The following EHMT1 variants were observed in gnomAD, a reference collection of about 807,000 sequenced individuals.
The protein encoded by EHMT1 is histone-lysine N-methyltransferase EHMT1.
Under a neutral mutation model 147.2 loss-of-function variants are expected in EHMT1, and 15 were observed. The observed-to-expected ratio is 0.10, with a 90% confidence interval of 0.07 to 0.16. EHMT1 has a LOEUF of 0.16. EHMT1 is among the 10% of genes least tolerant of loss of function. The pLI is 1.00. For synonymous variants in EHMT1, 795 were observed against 709.6 expected (o/e 1.12, Z -1.91); for missense variants, 1,587 against 1,772.4 (o/e 0.90, Z 1.88).
At chr9:137,668,420 CATTT>C (rs1186166190) in intron 1 of EHMT1, among the ~76,000 whole-genome samples, 5 of 152,020 alleles carry the variant, frequency 3.3e-5, no homozygotes, top group Non-Finnish European at 7.4e-5. Flanking sequence ...CCCACCCATC[CATTT>C]ATTTACCCAC....
chr9:137,668,574 A>G lies in EHMT1; in HGVS notation c.22-42393A>G, dbSNP rs907247263. 4.5e-4 allele frequency among the ~76,000 whole-genome samples: 69 copies of G among 152,270 alleles called. 2 individuals carry two copies. The highest frequency in any genetic ancestry group is 1.2e-3 in the East Asian group (6 of 5,184). The stretch of plus-strand genomic sequence containing the variant: ...ACCAGAAATCCAGAACATTTGTATC[A>G]TCCTGAAAAGAAACCTTATACCATT... On this transcript the variant is annotated intron_variant, in intron 1 of 26. Transcript: ENST00000460843.
At position 137,677,278 on chromosome 9, in the gene EHMT1, G is replaced by A. The variant is rs369376870; in HGVS notation, c.22-33689G>A. 1.2e-4 allele frequency among the ~76,000 whole-genome samples: 18 copies of A among 152,014 alleles called. No homozygotes were observed. In the East Asian group the frequency reaches 2.3e-3, roughly 20 times the overall value. ...TCTCCCAAGTAGCTGGGATTACAGC[G>A]TGTGGCACCATGTCTGGCTAACTTT... On this transcript the variant is annotated intron_variant, in intron 1 of 26. Transcript: ENST00000460843.
intron 18 of EHMT1, among the ~76,000 whole-genome samples, chr9:137,806,269 T>C (rs537591470): frequency 1.1e-4 from 16 of 152,086 alleles, no homozygotes; most frequent in South Asian, 6.2e-4. Flanking sequence ...CCGAGTGGTC[T>C]GTTTGAAAGA....
At chr9:137,669,692 T>C (rs1204038459) in intron 1 of EHMT1, among the ~76,000 whole-genome samples, 2 of 151,958 alleles carry the variant, frequency 1.3e-5, no homozygotes, top group Non-Finnish European at 2.9e-5. Context: ...CTTGTGTCCC[T>C]ATGTAAAAAA....
Position 137,835,014 on chromosome 9 carries a change from CG to C in EHMT1, c.*62del. ...GACCGCCGCGTCGCCGATTAGAGGA[CG>C]AGGAGGAGAGATTCCGCACGCAACC... On this transcript the variant is annotated 3_prime_UTR_variant, in exon 27 of 27. Coordinates refer to ENST00000460843, the MANE Select transcript of EHMT1 (RefSeq NM_024757.5). The C allele has an allele frequency of 1.5e-6, 2 of 1,354,418 alleles. No individual in the cohort carries two copies. The highest frequency in any genetic ancestry group is 1.9e-6 in the Non-Finnish European group (2 of 1,059,120). 83.9% of individuals were successfully genotyped at this position (1,354,418 alleles called of 1,614,324 possible). A position where few individuals can be genotyped will look rare whatever the true frequency, so the allele number is the denominator to read the frequency against.
intron 9 of EHMT1, among the ~76,000 whole-genome samples, chr9:137,758,988 G>A (rs1313520409): frequency 1.3e-5 from 2 of 151,860 alleles, no homozygotes; most frequent in Non-Finnish European, 2.9e-5. Flanking sequence ...TTAGCCGGGC[G>A]TAGTGGCGGG....
chr9:137,710,214 C>G (rs549883813), intron 1 of EHMT1, among the ~76,000 whole-genome samples: 1 of 152,014 alleles, frequency 6.6e-6, no homozygotes, highest in Non-Finnish European at 1.5e-5. Context: ...GCTCACACCT[C>G]TAATCCCAGC....
intron 1 of EHMT1, among the ~76,000 whole-genome samples, chr9:137,707,088 C>T (rs545596937): frequency 3.9e-5 from 6 of 152,252 alleles, no homozygotes; most frequent in Non-Finnish European, 7.3e-5. Flanking sequence ...GCCTCCCAAA[C>T]TGCTGAGATT....
chr9:137,720,515 C>T (rs1026045585), intron 3 of EHMT1, among the ~76,000 whole-genome samples: 1 of 152,114 alleles, frequency 6.6e-6, no homozygotes, highest in African/African-American at 2.4e-5. Flanking sequence ...GTTGGCCAGG[C>T]TGGTCTTGAA....
chr9:137,687,711 G>A (rs541928551), intron 1 of EHMT1, among the ~76,000 whole-genome samples: 37 of 152,328 alleles, frequency 2.4e-4, no homozygotes, highest in Middle Eastern at 3.4e-3. Flanking sequence ...CCATGAGCCC[G>A]GAAATGAGAG....
chr9:137,834,997 C>T lies in EHMT1; in HGVS notation c.*44C>T. On this transcript the variant is annotated 3_prime_UTR_variant, in exon 27 of 27. Coordinates refer to ENST00000460843, the MANE Select transcript of EHMT1 (RefSeq NM_024757.5). ...GGCGCTCGGGAGCCAGGGACCGCCG[C>T]GTCGCCGATTAGAGGACGAGGAGGA... The T allele has an allele frequency of 7.3e-7, 1 of 1,368,298 alleles. No homozygotes were observed. Among genetic ancestry groups the T allele is most frequent in the Non-Finnish European group, 9.4e-7 (1 of 1,068,370 alleles). The allele number at this position is 1,368,298 out of a possible 1,614,324, so 84.8% of individuals were successfully genotyped here. A position where few individuals can be genotyped will look rare whatever the true frequency, so the allele number is the denominator to read the frequency against.
In EHMT1 at chr9:137,668,537, T is replaced by C. The variant is rs1939965726; in HGVS notation, c.22-42430T>C. Reference sequence around the variant, plus strand: ...ACTAGTACTGAAACTTGAGTATATTTGTGGACAGAGCACCAGAAATCCAGA... The same window carrying C: ...ACTAGTACTGAAACTTGAGTATATTCGTGGACAGAGCACCAGAAATCCAGA... On this transcript the variant is annotated intron_variant, in intron 1 of 26. Transcript: ENST00000460843. Among the ~76,000 whole-genome samples, 4 of 152,236 alleles carry C rather than the reference T, an allele frequency of 2.6e-5. No homozygotes were observed. The South Asian group carries it at 6.2e-4, about 24-fold the overall frequency.
rs11539626 is a variant in EHMT1 at position 137,834,398 on chromosome 9, G to A, written c.3590G>A (p.Arg1197Gln). The A allele has an allele frequency of 1.2e-6, 2 of 1,613,284 alleles. No homozygotes were observed. Among genetic ancestry groups the A allele is most frequent in the Non-Finnish European group, 8.5e-7 (1 of 1,179,804 alleles). Residue 1197 changes from arginine to glutamine, a missense_variant, in exon 26 of 27, where the codon CGG becomes CAG. Physicochemically the swap from Arg to Gln is conservative, Grantham distance 43. Around this residue, in one of 7 missense-constraint regions of EHMT1, gnomAD observed 156 missense variants for 252.5 expected, o/e 0.62. Transcript: ENST00000460843. ...IDARFYGNVS[R>Q]FINHHCEPNL... ...GCGCGGTTCTACGGGAACGTCAGCC[G>A]GTTCATCAACCACCACTGCGAGCCC...
rs1956535812 is a variant in EHMT1, at chr9:137,835,643, T to G, written c.*690T>G. On this transcript the variant is annotated 3_prime_UTR_variant, in exon 27 of 27. Transcript: ENST00000460843. ...TTCCGTTGACGCTGGCACCTTCTGT[T>G]GATTTTTTAAGCCACATGCTATGAT... is the stretch of plus-strand genomic sequence containing the variant. The G allele has an allele frequency of 6.5e-6, 1 of 152,678 alleles. No individual in the cohort carries two copies. Among genetic ancestry groups the G allele is most frequent in the Non-Finnish European group, 1.5e-5 (1 of 68,050 alleles). 9.5% of individuals were successfully genotyped at this position (152,678 alleles called of 1,614,324 possible).
chr9:137,773,474 C>G (rs1950725806), intron 10 of EHMT1, among the ~76,000 whole-genome samples: 1 of 151,156 alleles, frequency 6.6e-6, no homozygotes, highest in Non-Finnish European at 1.5e-5. Context: ...AAGTCTCTTG[C>G]TGGCTTCAGG....
At chr9:137,816,825 A>G (rs992020593) in intron 23 of EHMT1, 6 of 175,566 alleles carry the variant, frequency 3.4e-5, no homozygotes, top group Admixed American at 2.2e-4. Flanking sequence ...CCCACGCCAG[A>G]CAGACGCGAG....
At chr9:137,704,528 T>G (rs1052600675) in intron 1 of EHMT1, among the ~76,000 whole-genome samples, 4 of 152,188 alleles carry the variant, frequency 2.6e-5, no homozygotes, top group African/African-American at 9.7e-5. Flanking sequence ...GAGTTCTGTA[T>G]TTCTGTTCCG....
intron 25 of EHMT1, chr9:137,833,952 C>T: frequency 3.5e-6 from 1 of 286,634 alleles, no homozygotes; most frequent in Non-Finnish European, 6.7e-6. Context: ...CCCTCAGCCC[C>T]TGCCACTGCC....
At chr9:137,816,399 G>A (rs1954922129) in intron 23 of EHMT1, 1 of 378,862 alleles carries the variant, frequency 2.6e-6, no homozygotes, top group Admixed American at 3.7e-5. Flanking sequence ...GGCTGTCGTA[G>A]TTCTATTTTA....
Sources: allele counts gnomAD v4.1 joint callset (sites outside exome capture counted in the v4.1 genomes callset), GRCh38; gene constraint gnomAD v4.1.1; regional missense constraint gnomAD v4.1.1; transcripts MANE v1.5; gene names NCBI Gene and HGNC (gene_info 2026-07-23, HGNC 2026-07-21).